Variants in PTPRD observed in about 807,000 individuals in gnomAD.
PTPRD encodes protein tyrosine phosphatase receptor type D, also known as receptor-type tyrosine-protein phosphatase delta.
In PTPRD, 34 loss-of-function variants were observed where a neutral mutation model predicts 214.5. That is an observed-to-expected ratio of 0.16 (90% confidence interval 0.12 to 0.21). The LOEUF is 0.21. Ranked by LOEUF, PTPRD falls within the 10% of genes least tolerant of loss-of-function variation. The pLI is 1.00. For missense variants in PTPRD, 2,545 were observed against 2,398.7 expected (o/e 1.06, Z -1.27); for synonymous variants, 1,128 against 845.7 (o/e 1.33, Z -5.79).
At chr9:8,702,123 C>A (rs959197996) in intron 12 of PTPRD, among the ~76,000 whole-genome samples, 1 of 152,010 alleles carries the variant, frequency 6.6e-6, no homozygotes, top group African/African-American at 2.4e-5. Flanking sequence ...TTGTTCTCAT[C>A]TACTTTCATA....
intron 3 of PTPRD, among the ~76,000 whole-genome samples, chr9:10,141,788 T>C (rs375642367): frequency 0.051 from 7,726 of 151,986 alleles, 273 homozygotes; most frequent in Admixed American, 0.1. Context: ...GAGCCCGCAT[T>C]GCCAAGTCAA....
intron 35 of PTPRD, among the ~76,000 whole-genome samples, chr9:8,424,930 C>T (rs1056542534): frequency 5.9e-5 from 9 of 152,252 alleles, no homozygotes; most frequent in South Asian, 2.1e-4. Context: ...GCATCTGTGA[C>T]GATGGAAAGA....
chr9:9,841,068 G>C (rs1486934037), intron 5 of PTPRD, among the ~76,000 whole-genome samples: 1 of 152,074 alleles, frequency 6.6e-6, no homozygotes, highest in Admixed American at 6.6e-5. Flanking sequence ...AATTATCTTT[G>C]TACAACAAAG....
intron 10 of PTPRD, among the ~76,000 whole-genome samples, chr9:9,136,634 G>T (rs1211954671): frequency 6.6e-6 from 1 of 152,046 alleles, no homozygotes; most frequent in African/African-American, 2.4e-5. Flanking sequence ...TAGTCCAATG[G>T]TTAAAAATTT....
At chr9:9,579,212 G>T (rs149685500) in intron 7 of PTPRD, among the ~76,000 whole-genome samples, 5 of 152,102 alleles carry the variant, frequency 3.3e-5, no homozygotes, top group Admixed American at 6.5e-5. Flanking sequence ...TTAGTGGGCT[G>T]GTCCTCATTA....
intron 8 of PTPRD, among the ~76,000 whole-genome samples, chr9:9,478,788 T>C (rs1429003801): frequency 6.6e-6 from 1 of 152,226 alleles, no homozygotes; most frequent in Non-Finnish European, 1.5e-5. Flanking sequence ...CTCTTCTTTG[T>C]TAAAGATGCT....
rs116406172 is a variant in PTPRD at position 10,546,458 on chromosome 9, T to C, written c.-600+65940A>G. On this transcript the variant is annotated intron_variant, in intron 2 of 45. Coordinates refer to ENST00000381196, the MANE Select transcript of PTPRD (RefSeq NM_002839.4). ...TTATTGCTCATTGGTTGCAGCAAAG[T>C]CACAGAGAAATCTTTACTGCAAAGA... 1.1e-3 allele frequency among the ~76,000 whole-genome samples: 165 copies of C among 151,170 alleles called. 1 individual carries two copies. The highest frequency in any genetic ancestry group is 3.5e-3 in the African/African-American group (143 of 41,162).
intron 2 of PTPRD, among the ~76,000 whole-genome samples, chr9:10,402,117 G>C (rs561121370): frequency 6.6e-6 from 1 of 151,556 alleles, no homozygotes; most frequent in South Asian, 2.1e-4. Context: ...AATGTAAATG[G>C]TGTTCCTATG....
intron 9 of PTPRD, among the ~76,000 whole-genome samples, chr9:9,348,514 G>A (rs1485615750): frequency 1.3e-5 from 2 of 151,954 alleles, no homozygotes. Context: ...ATGCTGGGTG[G>A]GTGAACAAAT....
At chr9:8,695,607 A>G (rs1475151760) in intron 12 of PTPRD, among the ~76,000 whole-genome samples, 1 of 152,208 alleles carries the variant, frequency 6.6e-6, no homozygotes, top group African/African-American at 2.4e-5. Flanking sequence ...ATGATTATAT[A>G]TAATTTTTGA....
At chr9:8,687,859 T>C (rs1290055983) in intron 12 of PTPRD, among the ~76,000 whole-genome samples, 1 of 152,086 alleles carries the variant, frequency 6.6e-6, no homozygotes, top group African/African-American at 2.4e-5. Context: ...GATGATGAGG[T>C]TATTTGATTT....
At chr9:10,078,442 G>T (rs1477526264) in intron 3 of PTPRD, among the ~76,000 whole-genome samples, 1 of 150,212 alleles carries the variant, frequency 6.7e-6, no homozygotes, top group Non-Finnish European at 1.5e-5. Context: ...CTTGAACCTG[G>T]GAGGTGGAGC....
At chr9:8,465,946 A>G (rs1028804376) in intron 31 of PTPRD, among the ~76,000 whole-genome samples, 3 of 151,820 alleles carry the variant, frequency 2.0e-5, no homozygotes, top group African/African-American at 7.2e-5. Context: ...AGCTCATTTC[A>G]TTTCCTACAC....
At chr9:10,408,933 C>T (rs1217674422) in intron 2 of PTPRD, among the ~76,000 whole-genome samples, 1 of 151,632 alleles carries the variant, frequency 6.6e-6, no homozygotes, top group Non-Finnish European at 1.5e-5. Flanking sequence ...AGTGCTTTGA[C>T]TATAAACCTG....
intron 36 of PTPRD, among the ~76,000 whole-genome samples, chr9:8,402,237 T>C (rs1354237147): frequency 1.3e-5 from 2 of 152,204 alleles, no homozygotes; most frequent in African/African-American, 4.8e-5. Context: ...AGGGTGTATT[T>C]GTGAACACAG....
At chr9:9,761,014 T>C (rs1047614750) in intron 6 of PTPRD, among the ~76,000 whole-genome samples, 12 of 152,262 alleles carry the variant, frequency 7.9e-5, no homozygotes, top group African/African-American at 2.9e-4. Context: ...AGACTAAACA[T>C]GTAACTGCCA....
At chr9:9,062,594 T>C (rs1415558965) in intron 10 of PTPRD, among the ~76,000 whole-genome samples, 1 of 140,634 alleles carries the variant, frequency 7.1e-6, no homozygotes, top group East Asian at 1.9e-4. Context: ...CTACCTACCA[T>C]CTATCTAACT....
intron 3 of PTPRD, among the ~76,000 whole-genome samples, chr9:10,262,689 T>A (rs1332554308): frequency 2.0e-5 from 3 of 152,236 alleles, no homozygotes; most frequent in Non-Finnish European, 2.9e-5. Context: ...ACTTTACCTC[T>A]CTGGGACTTA....
chr9:8,615,944 T>C (rs1002547411), intron 14 of PTPRD, among the ~76,000 whole-genome samples: 2 of 152,148 alleles, frequency 1.3e-5, no homozygotes, highest in Non-Finnish European at 2.9e-5. Flanking sequence ...TTGAACAACA[T>C]CTTCATGGGG....
Sources: gnomAD v4.1 joint callset for allele counts (sites outside exome capture counted in the v4.1 genomes callset) on GRCh38, gnomAD v4.1.1 for gene constraint, MANE v1.5 for transcripts, NCBI Gene and HGNC (gene_info 2026-07-23, HGNC 2026-07-21) for gene names.